AGBL1: variants seen among roughly 807,000 people sequenced by gnomAD.
AGBL1 encodes the protein AGBL carboxypeptidase 1.
AGBL1 carries 130 observed loss-of-function variants against 118.9 expected under a neutral mutation model. The ratio of observed to expected loss-of-function variants is 1.09; its 90% CI spans 0.95 to 1.26. The LOEUF is 1.26. Ranked by LOEUF, AGBL1 falls within the 50% of genes most tolerant of loss-of-function variation. The pLI is 0.00. For missense variants in AGBL1, 1,584 were observed against 1,298.1 expected, an observed-to-expected ratio of 1.22 and a Z score of -3.38; for synonymous variants, 555 against 478.9, an observed-to-expected ratio of 1.16 and a Z score of -2.08.
At chr15:86,714,312 T>A (rs1432784430) in intron 22 of AGBL1, among the ~76,000 whole-genome samples, 1 of 152,008 alleles carries the variant, frequency 6.6e-6, no homozygotes, top group Non-Finnish European at 1.5e-5. Context: ...TCAAGTGTAG[T>A]TGAATGTCAG....
intron 22 of AGBL1, among the ~76,000 whole-genome samples, chr15:86,813,265 T>G (rs918421393): frequency 2.4e-4 from 36 of 152,100 alleles, no homozygotes; most frequent in African/African-American, 8.2e-4. Flanking sequence ...GGGCCTTGAG[T>G]GCAATGCTAT....
At chr15:86,642,993 T>A (rs2085217976) in intron 21 of AGBL1, among the ~76,000 whole-genome samples, 1 of 152,226 alleles carries the variant, frequency 6.6e-6, no homozygotes, top group South Asian at 2.1e-4. Flanking sequence ...TTGCTTTAAA[T>A]CAATGATTAT....
chr15:86,498,797 G>T (rs1225595040), intron 18 of AGBL1, among the ~76,000 whole-genome samples: 1 of 151,912 alleles, frequency 6.6e-6, no homozygotes, highest in African/African-American at 2.4e-5. Context: ...TATGAGCAGT[G>T]AAGGCAGGAA....
chr15:86,982,020 A>C (rs972226121), intron 23 of AGBL1, among the ~76,000 whole-genome samples: 1 of 152,190 alleles, frequency 6.6e-6, no homozygotes, highest in Admixed American at 6.5e-5. Flanking sequence ...ATGAGTAAGG[A>C]TATCATGAAC....
intron 1 of AGBL1, among the ~76,000 whole-genome samples, chr15:86,129,221 T>A (rs1348483454): frequency 6.6e-6 from 1 of 152,226 alleles, no homozygotes; most frequent in East Asian, 1.9e-4. Context: ...AGATGCTGGA[T>A]ATATCTATAG....
intron 1 of AGBL1, chr15:86,083,609 TAAGCCATGG>T (rs1386508181): frequency 1.3e-5 from 2 of 152,170 alleles, no homozygotes; most frequent in Non-Finnish European, 2.9e-5. Flanking sequence ...CTGTCTGGAG[TAAGCCATGG>T]AACTTAGATA....
At chr15:86,884,295 C>T (rs2079938516) in intron 22 of AGBL1, among the ~76,000 whole-genome samples, 1 of 152,104 alleles carries the variant, frequency 6.6e-6, no homozygotes, top group Non-Finnish European at 1.5e-5. Flanking sequence ...GGGTGGGTTC[C>T]CTGGACAAAG....
At chr15:87,014,376 AG>A (rs1332928566) in intron 24 of AGBL1, among the ~76,000 whole-genome samples, 1 of 152,158 alleles carries the variant, frequency 6.6e-6, no homozygotes, top group Non-Finnish European at 1.5e-5. Context: ...TTTCGTTGAG[AG>A]GAAGGGCAGA....
At chr15:86,280,226 T>G (rs141066830) in intron 16 of AGBL1, among the ~76,000 whole-genome samples, 4 of 152,024 alleles carry the variant, frequency 2.6e-5, no homozygotes, top group Non-Finnish European at 5.9e-5. Context: ...TCTGAGTCTG[T>G]GTGCAAGTAG....
intron 17 of AGBL1, among the ~76,000 whole-genome samples, chr15:86,297,870 T>A (rs907378105): frequency 1.2e-4 from 18 of 152,232 alleles, no homozygotes; most frequent in African/African-American, 4.1e-4. Context: ...TTATAACACA[T>A]GTTCAGCATC....
chr15:86,569,291 C>T (rs1266140901), intron 21 of AGBL1, among the ~76,000 whole-genome samples: 1 of 151,698 alleles, frequency 6.6e-6, no homozygotes, highest in East Asian at 1.9e-4. Context: ...ATCAGCCGAC[C>T]ATGGTGGCAC....
At chr15:86,697,411 G>A (rs916235664) in intron 22 of AGBL1, among the ~76,000 whole-genome samples, 7 of 150,990 alleles carry the variant, frequency 4.6e-5, no homozygotes, top group African/African-American at 7.3e-5. Context: ...TACATTTTGC[G>A]TTTCTCTAAG....
At chr15:86,803,909 G>T (rs145816517) in intron 22 of AGBL1, among the ~76,000 whole-genome samples, 1 of 152,074 alleles carries the variant, frequency 6.6e-6, no homozygotes, top group Admixed American at 6.6e-5. Context: ...TCAGCCCCTC[G>T]CAATAAAGAA....
intron 22 of AGBL1, among the ~76,000 whole-genome samples, chr15:86,869,286 A>T (rs1344317583): frequency 6.6e-6 from 1 of 152,104 alleles, no homozygotes; most frequent in African/African-American, 2.4e-5. Flanking sequence ...CCAGTGGTCC[A>T]CGTGATGCCC....
At chr15:86,188,909 T>C (rs1450575613) in intron 5 of AGBL1, among the ~76,000 whole-genome samples, 1 of 152,206 alleles carries the variant, frequency 6.6e-6, no homozygotes, top group African/African-American at 2.4e-5. Flanking sequence ...AACAGATTTA[T>C]ATGCTGTTTC....
chr15:87,009,387 C>T (rs1415774958), intron 24 of AGBL1, among the ~76,000 whole-genome samples: 1 of 152,202 alleles, frequency 6.6e-6, no homozygotes, highest in East Asian at 1.9e-4. Flanking sequence ...GGTTTGGGAT[C>T]CTCTGCCTAG....
rs114998225 is a variant in AGBL1 at position 86,631,826 on chromosome 15, C to T, written c.2995-42447C>T. On this transcript the variant is annotated intron_variant, in intron 21 of 22. Coordinates refer to ENST00000614907, the MANE Select transcript of AGBL1 (RefSeq NM_001386094.1). The stretch of plus-strand genomic sequence containing the variant: ...AGCCTCTTTCTACTGCCTCTGCCTC[C>T]ATCCCCTTTTGTTGATGGTTTCTTC... 8.9e-3 allele frequency among the ~76,000 whole-genome samples: 1,353 copies of T among 152,284 alleles called. 22 individuals are homozygous for T. The highest frequency in any genetic ancestry group is 0.031 in the African/African-American group (1,283 of 41,542).
At chr15:86,564,209 C>G (rs1021415936) in intron 21 of AGBL1, among the ~76,000 whole-genome samples, 5 of 152,194 alleles carry the variant, frequency 3.3e-5, no homozygotes, top group Admixed American at 3.3e-4. Flanking sequence ...TTAGATGATG[C>G]AGTTTCTTCC....
intron 1 of AGBL1, among the ~76,000 whole-genome samples, chr15:86,135,596 C>T (rs952187123): frequency 2.0e-5 from 3 of 152,098 alleles, no homozygotes; most frequent in African/African-American, 7.2e-5. Context: ...AGTCTGAATC[C>T]CACTTCATAT....
Sources: gnomAD v4.1 joint callset for allele counts (sites outside exome capture counted in the v4.1 genomes callset) on GRCh38, gnomAD v4.1.1 for gene constraint, MANE v1.5 for transcripts, NCBI Gene and HGNC (gene_info 2026-07-23, HGNC 2026-07-21) for gene names.